Variants in CLNK observed in about 807,000 individuals in gnomAD.
CLNK encodes the protein cytokine dependent hematopoietic cell linker.
Under a neutral mutation model 68.6 loss-of-function variants are expected in CLNK, and 74 were observed. The ratio of observed to expected loss-of-function variants is 1.08; its 90% CI spans 0.89 to 1.31. CLNK has a LOEUF of 1.31. Ranked by LOEUF, CLNK falls within the 50% of genes most tolerant of loss-of-function variation. CLNK has a pLI of 0.00. For missense variants in CLNK, 553 were observed against 515.3 expected, an observed-to-expected ratio of 1.07 and a Z score of -0.71; for synonymous variants, 198 against 172.2, an observed-to-expected ratio of 1.15 and a Z score of -1.17.
chr4:10,589,792 G>A (rs926434283), intron 3 of CLNK, among the ~76,000 whole-genome samples: 1 of 152,230 alleles, frequency 6.6e-6, no homozygotes, highest in African/African-American at 2.4e-5. Context: ...AGCCCAGGGT[G>A]ATTAATGAAA....
rs1223997490 is a variant in CLNK at position 10,487,238 on chromosome 4, G to T, written c.*3229C>A. The stretch of plus-strand genomic sequence containing the variant: ...AATATTCAATTACAGATCTAATAAA[G>T]CAGGTAGACCATGAATAGGATAATT... On this transcript the variant is annotated 3_prime_UTR_variant, in exon 19 of 19. Transcript: ENST00000226951. 6.6e-6 allele frequency: 1 copy of T among 152,136 alleles called. No individual in the cohort carries two copies. Among genetic ancestry groups the T allele is most frequent in the Non-Finnish European group, 1.5e-5 (1 of 68,024 alleles). The allele number at this position is 152,136 out of a possible 1,614,324, so 9.4% of individuals were successfully genotyped here.
chr4:10,629,283 A>G (rs1045210734), intron 2 of CLNK, among the ~76,000 whole-genome samples: 3 of 152,126 alleles, frequency 2.0e-5, no homozygotes, highest in Non-Finnish European at 4.4e-5. Flanking sequence ...GATGAAGGAG[A>G]AATTTTCCCT....
intron 11 of CLNK, among the ~76,000 whole-genome samples, chr4:10,533,791 T>C (rs1258571257): frequency 6.6e-6 from 1 of 152,222 alleles, no homozygotes; most frequent in Non-Finnish European, 1.5e-5. Context: ...CAATTTAAAA[T>C]GTAGATTTGA....
At chr4:10,492,748 C>T (rs1022700430) in intron 18 of CLNK, among the ~76,000 whole-genome samples, 4 of 152,068 alleles carry the variant, frequency 2.6e-5, no homozygotes, top group African/African-American at 7.2e-5. Flanking sequence ...ACAGACACCA[C>T]GCTGGGGATA....
chr4:10,565,424 C>A (rs1720068033), intron 6 of CLNK, among the ~76,000 whole-genome samples: 1 of 152,196 alleles, frequency 6.6e-6, no homozygotes, highest in South Asian at 2.1e-4. Context: ...TGCTTTATCT[C>A]AAGGAACTTG....
the CLNK span, among the ~76,000 whole-genome samples, chr4:10,705,816 C>T: frequency 2.6e-5 from 4 of 152,198 alleles, no homozygotes; most frequent in African/African-American, 7.2e-5. Context: ...TCTTTGGGGA[C>T]TGCTATTCTG....
intron 2 of CLNK, among the ~76,000 whole-genome samples, chr4:10,621,397 T>A (rs1722451783): frequency 1.3e-5 from 2 of 152,208 alleles, no homozygotes; most frequent in Admixed American, 6.5e-5. Context: ...AAGGAATACA[T>A]GAAGAAGTCT....
chr4:10,722,681 GTACA>G, the CLNK span, among the ~76,000 whole-genome samples: 1 of 152,300 alleles, frequency 6.6e-6, no homozygotes, highest in Admixed American at 6.5e-5. Flanking sequence ...ATCTGCTATT[GTACA>G]CTCCACAGGG....
intron 2 of CLNK, among the ~76,000 whole-genome samples, chr4:10,666,970 G>C (rs577174085): frequency 1.3e-5 from 2 of 152,218 alleles, no homozygotes; most frequent in South Asian, 4.1e-4. Flanking sequence ...GCGAGGTACA[G>C]TCATTGCAGT....
intron 2 of CLNK, among the ~76,000 whole-genome samples, chr4:10,652,703 G>T (rs1336122074): frequency 6.6e-6 from 1 of 152,134 alleles, no homozygotes; most frequent in African/African-American, 2.4e-5. Flanking sequence ...TAACTATCAG[G>T]AAACAGACAA....
At chr4:10,639,400 C>T (rs556078401) in intron 2 of CLNK, among the ~76,000 whole-genome samples, 1 of 152,214 alleles carries the variant, frequency 6.6e-6, no homozygotes, top group Non-Finnish European at 1.5e-5. Context: ...TTAGGGCTTG[C>T]ATATGTCCTG....
chr4:10,642,138 A>C (rs1723330568), intron 2 of CLNK, among the ~76,000 whole-genome samples: 1 of 152,226 alleles, frequency 6.6e-6, no homozygotes, highest in Non-Finnish European at 1.5e-5. Flanking sequence ...ATAAAGGCAA[A>C]GGCATAAATC....
chr4:10,525,209 C>A (rs1476226156), intron 14 of CLNK, among the ~76,000 whole-genome samples: 1 of 152,158 alleles, frequency 6.6e-6, no homozygotes, highest in South Asian at 2.1e-4. Flanking sequence ...GGACTACAGG[C>A]ACCCGCCACC....
Position 10,593,653 on chromosome 4 carries a change from G to GAAAAC in CLNK, c.83+4320_83+4324dup, listed in dbSNP as rs372454935. Reference sequence around the variant, plus strand: ...TGGGTGGTAGCATGAGACTCAGTCTGAAAACAAAACAAAACAAAACAACCC... The same window carrying GAAAAC: ...TGGGTGGTAGCATGAGACTCAGTCTGAAAACAAAACAAAACAAAACAAAACAACCC... On this transcript the variant is annotated intron_variant, in intron 3 of 18. Transcript: ENST00000226951. 1.0e-3 allele frequency among the ~76,000 whole-genome samples: 157 copies of GAAAAC among 152,164 alleles called. 1 individual carries two copies. Among genetic ancestry groups the GAAAAC allele is most frequent in the African/African-American group, 3.2e-3 (132 of 41,516 alleles).
At chr4:10,638,205 C>A (rs941728917) in intron 2 of CLNK, among the ~76,000 whole-genome samples, 1 of 152,184 alleles carries the variant, frequency 6.6e-6, no homozygotes, top group African/African-American at 2.4e-5. Context: ...CCTTACCATA[C>A]TGACAGCCAC....
At chr4:10,704,148 G>T in the CLNK span, among the ~76,000 whole-genome samples, 1 of 152,044 alleles carries the variant, frequency 6.6e-6, no homozygotes, top group Non-Finnish European at 1.5e-5. Context: ...GAGGAAAAAA[G>T]AACATTCTAG....
intron 2 of CLNK, among the ~76,000 whole-genome samples, chr4:10,608,907 T>C (rs1386050379): frequency 6.6e-6 from 1 of 152,224 alleles, no homozygotes; most frequent in Non-Finnish European, 1.5e-5. Context: ...GAGAGCTGTT[T>C]CCCTGTGGTA....
At chr4:10,498,972 C>CG (rs1236363101) in intron 18 of CLNK, among the ~76,000 whole-genome samples, 12 of 146,070 alleles carry the variant, frequency 8.2e-5, no homozygotes, top group Admixed American at 1.4e-4. Flanking sequence ...ATTGTACCCC[C>CG]CCCCCCCCAA....
intron 12 of CLNK, chr4:10,531,597 A>G: frequency 5.4e-6 from 2 of 368,704 alleles, no homozygotes; most frequent in Non-Finnish European, 1.1e-5. Context: ...ATGCGCCACC[A>G]CACCTGGCTA....
Sources: allele counts gnomAD v4.1 joint callset (sites outside exome capture counted in the v4.1 genomes callset), GRCh38; gene constraint gnomAD v4.1.1; transcripts MANE v1.5; gene names NCBI Gene and HGNC (gene_info 2026-07-23, HGNC 2026-07-21).